RAB3C: variants seen among roughly 807,000 people sequenced by gnomAD.
RAB3C encodes RAB3C, member RAS oncogene family.
Under a neutral mutation model 26.4 loss-of-function variants are expected in RAB3C, and 17 were observed. The ratio of observed to expected loss-of-function variants is 0.64; its 90% CI spans 0.44 to 0.97. The LOEUF is 0.97. RAB3C is among the 50% of genes least tolerant of loss of function. The pLI is 0.00. For missense variants in RAB3C, 242 were observed against 281.9 expected, an observed-to-expected ratio of 0.86 and a Z score of 1.01; for synonymous variants, 91 against 95.9, an observed-to-expected ratio of 0.95 and a Z score of 0.30.
intron 2 of RAB3C, among the ~76,000 whole-genome samples, chr5:58,637,565 A>C (rs1747315676): frequency 6.6e-6 from 1 of 152,164 alleles, no homozygotes; most frequent in Middle Eastern, 3.2e-3. Flanking sequence ...AAATTAATAT[A>C]TTCCTTTGAA....
intron 4 of RAB3C, among the ~76,000 whole-genome samples, chr5:58,843,971 A>T (rs1221419885): frequency 6.6e-6 from 1 of 152,210 alleles, no homozygotes; most frequent in African/African-American, 2.4e-5. Context: ...CAAAAATTTC[A>T]AAAGTTAAAA....
intron 1 of RAB3C, among the ~76,000 whole-genome samples, chr5:58,614,671 G>A (rs141528821): frequency 1.3e-5 from 2 of 151,864 alleles, no homozygotes; most frequent in Non-Finnish European, 2.9e-5. Flanking sequence ...ATTAGCCCTT[G>A]AAATTAAAGA....
chr5:58,656,709 G>A (rs1025917135), intron 2 of RAB3C, among the ~76,000 whole-genome samples: 1 of 152,154 alleles, frequency 6.6e-6, no homozygotes, highest in Non-Finnish European at 1.5e-5. Context: ...AAGAGGAAAT[G>A]ACACAAAGGT....
chr5:58,660,395 A>T (rs1350176427), intron 2 of RAB3C, among the ~76,000 whole-genome samples: 1 of 150,132 alleles, frequency 6.7e-6, no homozygotes, highest in East Asian at 1.9e-4. Context: ...TCTTCTTCCC[A>T]TTCACTCCCA....
At chr5:58,832,686 T>C (rs1217445880) in intron 4 of RAB3C, among the ~76,000 whole-genome samples, 1 of 152,212 alleles carries the variant, frequency 6.6e-6, no homozygotes. Context: ...GGTCACACTG[T>C]GGAGACAATG....
At chr5:58,833,550 A>C (rs745840546) in intron 4 of RAB3C, among the ~76,000 whole-genome samples, 1 of 152,148 alleles carries the variant, frequency 6.6e-6, no homozygotes, top group African/African-American at 2.4e-5. Context: ...ACAAACAAGG[A>C]ATTAGAGGCA....
intron 2 of RAB3C, among the ~76,000 whole-genome samples, chr5:58,665,777 G>A (rs898039636): frequency 6.6e-5 from 10 of 152,098 alleles, no homozygotes; most frequent in Admixed American, 2.0e-4. Flanking sequence ...CATGTTAAAG[G>A]TATCCCATAC....
chr5:58,725,307 G>A (rs1740864532), intron 2 of RAB3C, among the ~76,000 whole-genome samples: 1 of 151,708 alleles, frequency 6.6e-6, no homozygotes, highest in Non-Finnish European at 1.5e-5. Flanking sequence ...ACAAATTGGA[G>A]CTCCTTTATA....
Position 58,617,767 on chromosome 5 carries a change from A to G in RAB3C, c.149A>G (p.Tyr50Cys), listed in dbSNP as rs1461546231. ...GGGAAAACATCTTTTCTATTCCGTT[A>G]TGCAGATGACTCCTTTACATCTGCA... ...SVGKTSFLFR[Y>C]ADDSFTSAFV... Residue 50 changes from tyrosine to cysteine, a missense_variant, in exon 2 of 5, where the codon TAT becomes TGT. Coordinates refer to ENST00000282878, the MANE Select transcript of RAB3C (RefSeq NM_138453.4). 1.2e-6 allele frequency: 2 copies of G among 1,613,816 alleles called. No homozygotes were observed. The highest frequency in any genetic ancestry group is 1.7e-6 in the Non-Finnish European group (2 of 1,179,800).
intron 1 of RAB3C, among the ~76,000 whole-genome samples, chr5:58,597,586 A>T (rs1341500399): frequency 7.7e-6 from 1 of 129,404 alleles, no homozygotes; most frequent in African/African-American, 2.8e-5. Context: ...AACAATATAT[A>T]GTTCATTATA....
At chr5:58,824,921 A>G in intron 3 of RAB3C, 117 bp from the exon 4 acceptor site, 1 of 643,160 alleles carries the variant, frequency 1.6e-6, no homozygotes, top group Non-Finnish European at 2.5e-6. Context: ...GCATTTGGAC[A>G]TCGTGTTTTT....
intron 3 of RAB3C, among the ~76,000 whole-genome samples, chr5:58,796,756 C>T (rs1742660178): frequency 6.6e-6 from 1 of 152,040 alleles, no homozygotes; most frequent in African/African-American, 2.4e-5. Context: ...CCAGCTACTG[C>T]CAGAGAAGCA....
At chr5:58,731,518 T>A (rs1741019813) in intron 3 of RAB3C, among the ~76,000 whole-genome samples, 1 of 152,088 alleles carries the variant, frequency 6.6e-6, no homozygotes. Context: ...AAAAGCTTTA[T>A]GTGCTAATAG....
chr5:58,699,635 C>T (rs1015092356), intron 2 of RAB3C, among the ~76,000 whole-genome samples: 7 of 152,278 alleles, frequency 4.6e-5, no homozygotes, highest in East Asian at 1.9e-4. Context: ...TTAGAGCTTC[C>T]CTGCTGCTTT....
chr5:58,661,337 G>A (rs1387017005), intron 2 of RAB3C, among the ~76,000 whole-genome samples: 2 of 149,570 alleles, frequency 1.3e-5, no homozygotes, highest in Non-Finnish European at 1.5e-5. Context: ...TTTCTTCCAT[G>A]GTATTTCTAA....
At position 58,845,941 on chromosome 5, in the gene RAB3C, T is replaced by A. The variant is rs150003049; in HGVS notation, c.497-5223T>A. On this transcript the variant is annotated intron_variant, in intron 4 of 4. Coordinates refer to ENST00000282878, the MANE Select transcript of RAB3C (RefSeq NM_138453.4). The stretch of plus-strand genomic sequence containing the variant: ...AGATTTACCTATTCTGGGCATTTTT[T>A]ATAAAATGGTCTCATATGAGATATG... Among the ~76,000 whole-genome samples, 905 of 152,166 alleles carry A rather than the reference T, an allele frequency of 5.9e-3. 10 individuals carry two copies. Among genetic ancestry groups the A allele is most frequent in the African/African-American group, 0.021 (860 of 41,484 alleles).
intron 3 of RAB3C, among the ~76,000 whole-genome samples, chr5:58,783,052 C>A (rs1009208309): frequency 6.6e-6 from 1 of 152,054 alleles, no homozygotes; most frequent in Non-Finnish European, 1.5e-5. Context: ...ATAACTCTTC[C>A]TTTTTGCTTT....
At chr5:58,710,034 G>A (rs1004218456) in intron 2 of RAB3C, among the ~76,000 whole-genome samples, 2 of 152,078 alleles carry the variant, frequency 1.3e-5, no homozygotes, top group African/African-American at 4.8e-5. Context: ...GGCTGTCTGA[G>A]GCCTTGGTCT....
intron 2 of RAB3C, among the ~76,000 whole-genome samples, chr5:58,654,704 C>G (rs1231276595): frequency 1.3e-5 from 2 of 152,224 alleles, no homozygotes; most frequent in East Asian, 1.9e-4. Context: ...CCCTCTCTCT[C>G]TCTCCAATGT....
Sources: allele counts gnomAD v4.1 joint callset (sites outside exome capture counted in the v4.1 genomes callset), GRCh38; gene constraint gnomAD v4.1.1; transcripts MANE v1.5; gene names NCBI Gene and HGNC (gene_info 2026-07-23, HGNC 2026-07-21).